Variants in PRKD1 observed in about 807,000 individuals in gnomAD.
The protein encoded by PRKD1 is serine/threonine-protein kinase D1.
A neutral mutation model predicts 95.9 loss-of-function variants in PRKD1; 63 were observed. That is an observed-to-expected ratio of 0.66 (90% CI 0.54 to 0.81). PRKD1 has a LOEUF of 0.81. Among genes scored for constraint, PRKD1 ranks in the 30% least tolerant of loss-of-function variants. PRKD1 has a pLI of 0.00. For synonymous variants in PRKD1, 425 were observed against 423.1 expected (o/e 1.00, Z -0.05); for missense variants, 1,048 against 1,165.3 (o/e 0.90, Z 1.47).
chr14:29,580,472 G>A (rs1015120320), intron 16 of PRKD1, among the ~76,000 whole-genome samples: 3 of 152,126 alleles, frequency 2.0e-5, no homozygotes, highest in African/African-American at 7.2e-5. Context: ...ATGTGTGTGT[G>A]TGTGTATACA....
At chr14:29,671,888 T>A (rs891520087) in intron 2 of PRKD1, among the ~76,000 whole-genome samples, 1 of 152,148 alleles carries the variant, frequency 6.6e-6, no homozygotes, top group Admixed American at 6.5e-5. Flanking sequence ...CTACTTGATA[T>A]CAAAATATTC....
At chr14:29,853,141 G>A (rs1442835234) in intron 1 of PRKD1, among the ~76,000 whole-genome samples, 1 of 152,066 alleles carries the variant, frequency 6.6e-6, no homozygotes, top group Non-Finnish European at 1.5e-5. Flanking sequence ...AAGAGACAAT[G>A]AATATTATTT....
chr14:29,806,645 C>G (rs962584685), intron 1 of PRKD1, among the ~76,000 whole-genome samples: 11 of 152,104 alleles, frequency 7.2e-5, no homozygotes, highest in Admixed American at 7.2e-4. Flanking sequence ...CTTGCAAACT[C>G]CTGAAGTATG....
At chr14:29,639,939 A>G (rs1014584547) in intron 4 of PRKD1, among the ~76,000 whole-genome samples, 2 of 152,184 alleles carry the variant, frequency 1.3e-5, no homozygotes, top group African/African-American at 2.4e-5. Flanking sequence ...GTTTTTGGAT[A>G]ATTTCACAGT....
At chr14:29,690,738 T>C (rs943315912) in intron 2 of PRKD1, among the ~76,000 whole-genome samples, 1 of 152,224 alleles carries the variant, frequency 6.6e-6, no homozygotes, top group Non-Finnish European at 1.5e-5. Context: ...GACTCCTCTC[T>C]CCAGCACAAT....
chr14:29,652,447 T>C (rs1044958485), intron 4 of PRKD1, among the ~76,000 whole-genome samples: 1 of 152,190 alleles, frequency 6.6e-6, no homozygotes, highest in African/African-American at 2.4e-5. Flanking sequence ...ACATATATGA[T>C]AAGCCAGACT....
chr14:29,844,558 T>C (rs1433814236), intron 1 of PRKD1, among the ~76,000 whole-genome samples: 1 of 152,142 alleles, frequency 6.6e-6, no homozygotes, highest in African/African-American at 2.4e-5. Context: ...TTCAGTAAAG[T>C]GTACTATAAA....
chr14:29,587,635 C>T (rs982697271), intron 16 of PRKD1, among the ~76,000 whole-genome samples: 6 of 152,090 alleles, frequency 3.9e-5, no homozygotes, highest in African/African-American at 9.7e-5. Flanking sequence ...CTGTATTTTG[C>T]TTGCTATCAA....
rs555877031 is a variant in PRKD1 at position 29,596,765 on chromosome 14, A to G, written c.2434+726T>C. Among the ~76,000 whole-genome samples the G allele has an allele frequency of 4.6e-5, 7 of 152,264 alleles. No homozygotes were observed. In the South Asian group the frequency reaches 1.0e-3, roughly 23 times the overall value. On this transcript the variant is annotated intron_variant, in intron 16 of 17. Coordinates refer to ENST00000331968, the MANE Select transcript of PRKD1 (RefSeq NM_002742.3). The stretch of plus-strand genomic sequence containing the variant: ...TTTTATGAGAATTAAATACACTCCA[A>G]TGTATGTTAAAGGAGGAACTCCTTT...
At chr14:29,612,688 T>C (rs1008938381) in intron 13 of PRKD1, among the ~76,000 whole-genome samples, 5 of 152,184 alleles carry the variant, frequency 3.3e-5, no homozygotes, top group South Asian at 4.1e-4. Flanking sequence ...TAGATAGTTG[T>C]TTTCCCTATT....
intron 1 of PRKD1, among the ~76,000 whole-genome samples, chr14:29,739,939 T>C (rs1886909265): frequency 6.6e-6 from 1 of 152,200 alleles, no homozygotes; most frequent in South Asian, 2.1e-4. Context: ...ATAGACTTCC[T>C]GGAGGTAGTT....
intron 16 of PRKD1, among the ~76,000 whole-genome samples, chr14:29,582,388 A>G (rs1195736592): frequency 6.6e-6 from 1 of 151,234 alleles, no homozygotes; most frequent in African/African-American, 2.5e-5. Flanking sequence ...GAATAATTTC[A>G]GAATCCATTC....
At chr14:29,706,789 T>C (rs1885113385) in intron 2 of PRKD1, among the ~76,000 whole-genome samples, 1 of 152,104 alleles carries the variant, frequency 6.6e-6, no homozygotes, top group East Asian at 1.9e-4. Context: ...AAAAGTGTAA[T>C]TATAAACAAA....
chr14:29,872,105 T>C (rs1211245456), intron 1 of PRKD1, among the ~76,000 whole-genome samples: 1 of 152,212 alleles, frequency 6.6e-6, no homozygotes, highest in Admixed American at 6.5e-5. Context: ...GGAACTGAGC[T>C]ATATAATCAC....
At chr14:29,913,309 AGGT>A (rs1389969993) in intron 1 of PRKD1, among the ~76,000 whole-genome samples, 1 of 152,210 alleles carries the variant, frequency 6.6e-6, no homozygotes, top group Admixed American at 6.5e-5. Context: ...TTTGGCCAAA[AGGT>A]AATAAAATGT....
intron 1 of PRKD1, 92 bp downstream of exon 1, chr14:29,927,156 CG>C: frequency 1.6e-6 from 2 of 1,273,608 alleles, no homozygotes; most frequent in Non-Finnish European, 2.0e-6. Context: ...AGCCGAGCCC[CG>C]GGAGCCGGAA....
At chr14:29,839,710 G>A (rs1179687246) in intron 1 of PRKD1, among the ~76,000 whole-genome samples, 1 of 151,902 alleles carries the variant, frequency 6.6e-6, no homozygotes, top group Non-Finnish European at 1.5e-5. Flanking sequence ...CTAGGCAGAG[G>A]TTTCCAAACC....
intron 1 of PRKD1, among the ~76,000 whole-genome samples, chr14:29,761,805 C>G (rs1227858743): frequency 7.1e-6 from 1 of 140,492 alleles, no homozygotes; most frequent in African/African-American, 2.7e-5. Flanking sequence ...TTTTGAGACG[C>G]AAGGTCTCAA....
chr14:29,816,609 G>A (rs1489072779), intron 1 of PRKD1, among the ~76,000 whole-genome samples: 1 of 152,108 alleles, frequency 6.6e-6, no homozygotes, highest in Non-Finnish European at 1.5e-5. Context: ...TAAGTGCTAG[G>A]TGACTTTTTC....
Sources: allele counts gnomAD v4.1 joint callset (sites outside exome capture counted in the v4.1 genomes callset), GRCh38; gene constraint gnomAD v4.1.1; transcripts MANE v1.5; gene names NCBI Gene and HGNC (gene_info 2026-07-23, HGNC 2026-07-21).